The following GALNT13 variants were observed in gnomAD, a reference collection of about 807,000 sequenced individuals.
GALNT13 encodes UDP-GalNAc:polypeptide N-acetylgalactosaminyltransferase 13.
GALNT13 carries 28 observed loss-of-function variants against 64.2 expected under a neutral mutation model. That is an observed-to-expected ratio of 0.44 (90% confidence interval 0.32 to 0.60). The LOEUF (loss-of-function observed/expected upper bound fraction) is 0.60, where lower values mean the gene tolerates loss of function less well. GALNT13 is among the 20% of genes least tolerant of loss of function. The pLI is 0.05. For missense variants in GALNT13, 577 were observed against 669.8 expected (o/e 0.86, Z 1.53); for synonymous variants, 214 against 224.6 (o/e 0.95, Z 0.42).
intron 4 of GALNT13, among the ~76,000 whole-genome samples, chr2:154,228,903 A>C (rs1688768670): frequency 6.6e-6 from 1 of 152,052 alleles, no homozygotes; most frequent in Non-Finnish European, 1.5e-5. Context: ...TAAGATCAGA[A>C]AGGTCAATTT....
the GALNT13 span, among the ~76,000 whole-genome samples, chr2:153,352,597 AT>A: frequency 6.6e-6 from 1 of 152,028 alleles, no homozygotes. Context: ...TTCATTTTAC[AT>A]TTAGTTCTGT....
the GALNT13 span, among the ~76,000 whole-genome samples, chr2:153,245,797 G>A: frequency 3.9e-5 from 6 of 152,094 alleles, no homozygotes; most frequent in African/African-American, 1.4e-4. Flanking sequence ...TGGAGAATGA[G>A]ATTGATGAAT....
the GALNT13 span, among the ~76,000 whole-genome samples, chr2:153,850,073 G>A: frequency 6.6e-6 from 1 of 150,814 alleles, no homozygotes; most frequent in Non-Finnish European, 1.5e-5. Flanking sequence ...CAGCTACTCC[G>A]GAGGCTGAGG....
At chr2:154,317,499 ACT>A (rs1694387607) in intron 9 of GALNT13, among the ~76,000 whole-genome samples, 1 of 152,138 alleles carries the variant, frequency 6.6e-6, no homozygotes, top group Non-Finnish European at 1.5e-5. Flanking sequence ...AAACTTTCTA[ACT>A]CTAAAATTCT....
the GALNT13 span, among the ~76,000 whole-genome samples, chr2:153,267,408 C>T: frequency 1.3e-5 from 2 of 152,304 alleles, no homozygotes; most frequent in South Asian, 4.1e-4. Context: ...TCCATACATC[C>T]TCTGAAATCT....
chr2:153,250,201 A>AC, the GALNT13 span, among the ~76,000 whole-genome samples: 1 of 152,192 alleles, frequency 6.6e-6, no homozygotes, highest in Non-Finnish European at 1.5e-5. Flanking sequence ...GAAAAAAACA[A>AC]CCCCATCAAA....
At chr2:153,847,132 C>T in the GALNT13 span, among the ~76,000 whole-genome samples, 3 of 151,876 alleles carry the variant, frequency 2.0e-5, no homozygotes, top group Non-Finnish European at 4.4e-5. Flanking sequence ...GGATAAACAA[C>T]ATTATTCATG....
At chr2:153,478,818 G>T in the GALNT13 span, 282 of 447,546 alleles carry the variant, frequency 6.3e-4, no homozygotes, top group African/African-American at 3.0e-3. Flanking sequence ...CTCGAGGGGG[G>T]GCTGTTGGAA....
the GALNT13 span, among the ~76,000 whole-genome samples, chr2:153,447,618 T>G: frequency 1.3e-5 from 2 of 152,202 alleles, no homozygotes; most frequent in African/African-American, 4.8e-5. Context: ...ATAAATTCTC[T>G]TCATAATTAT....
At chr2:153,921,864 T>A (rs945466054) in intron 2 of GALNT13, among the ~76,000 whole-genome samples, 1 of 152,028 alleles carries the variant, frequency 6.6e-6, no homozygotes, top group Non-Finnish European at 1.5e-5. Context: ...GGTCAGATGG[T>A]TTTTATAATT....
intron 4 of GALNT13, among the ~76,000 whole-genome samples, chr2:154,161,859 C>A (rs1408096338): frequency 1.3e-5 from 2 of 151,838 alleles, no homozygotes; most frequent in African/African-American, 4.8e-5. Flanking sequence ...CAGCTCACTG[C>A]AAGCTCCACC....
rs149146361 is a variant in GALNT13 at position 154,413,281 on chromosome 2, C to T, written c.1395+4199C>T. 4.6e-3 allele frequency among the ~76,000 whole-genome samples: 693 copies of T among 152,000 alleles called. 10 individuals carry two copies. The highest frequency in any genetic ancestry group is 0.016 in the African/African-American group (658 of 41,526). On this transcript the variant is annotated intron_variant, in intron 11 of 12. Transcript: ENST00000392825. ...AATGGAAACCTAACATAGAAACATA[C>T]TTCTGAAGTCCGATTAGTCACCAAA...
At chr2:154,283,656 G>T (rs903705474) in intron 8 of GALNT13, among the ~76,000 whole-genome samples, 1 of 151,674 alleles carries the variant, frequency 6.6e-6, no homozygotes. Flanking sequence ...AACATGAGTG[G>T]GGCTATAAGG....
At chr2:153,985,216 T>C (rs1178400089) in intron 3 of GALNT13, among the ~76,000 whole-genome samples, 1 of 152,058 alleles carries the variant, frequency 6.6e-6, no homozygotes, top group Non-Finnish European at 1.5e-5. Context: ...GCCTATTATT[T>C]GTAATTCTCA....
At chr2:153,926,297 G>A (rs1010115858) in intron 2 of GALNT13, 1 of 152,018 alleles carries the variant, frequency 6.6e-6, no homozygotes, top group African/African-American at 2.4e-5. Flanking sequence ...GATTTAATTG[G>A]ATTTGAGGGA....
At chr2:153,490,147 C>T in the GALNT13 span, among the ~76,000 whole-genome samples, 6 of 152,088 alleles carry the variant, frequency 3.9e-5, no homozygotes, top group Non-Finnish European at 8.8e-5. Context: ...TTCATTTGTT[C>T]GGTTCTTGTG....
At chr2:153,433,068 A>G in the GALNT13 span, among the ~76,000 whole-genome samples, 1 of 152,130 alleles carries the variant, frequency 6.6e-6, no homozygotes, top group African/African-American at 2.4e-5. Context: ...CTAGTAATAC[A>G]AGCTCAGAGG....
At chr2:153,364,189 C>A in the GALNT13 span, among the ~76,000 whole-genome samples, 1 of 152,110 alleles carries the variant, frequency 6.6e-6, no homozygotes, top group South Asian at 2.1e-4. Context: ...AATTCAACAT[C>A]CCTTTATGTT....
At chr2:153,795,188 A>T in the GALNT13 span, among the ~76,000 whole-genome samples, 6 of 152,082 alleles carry the variant, frequency 3.9e-5, no homozygotes, top group Non-Finnish European at 8.8e-5. Flanking sequence ...GTGATTGACA[A>T]TTCATTTATA....
Sources: gnomAD v4.1 joint callset for allele counts (sites outside exome capture counted in the v4.1 genomes callset) on GRCh38, gnomAD v4.1.1 for gene constraint, MANE v1.5 for transcripts, NCBI Gene and HGNC (gene_info 2026-07-23, HGNC 2026-07-21) for gene names.